Variants in ECEL1 observed in about 807,000 individuals in gnomAD.
The protein encoded by ECEL1 is endothelin-converting enzyme-like 1.
A neutral mutation model predicts 101.8 loss-of-function variants in ECEL1; 87 were observed. That is an observed-to-expected ratio of 0.85 (90% CI 0.72 to 1.02). The LOEUF is 1.02. Among genes scored for constraint, ECEL1 ranks in the 50% least tolerant of loss-of-function variants. The pLI is 0.00. For synonymous variants in ECEL1, 487 were observed against 468.7 expected, an observed-to-expected ratio of 1.04 and a Z score of -0.50; for missense variants, 1,032 against 1,079.2, an observed-to-expected ratio of 0.96 and a Z score of 0.61.
chr2:232,481,099 C>T lies in ECEL1; in HGVS notation c.2047G>A (p.Ala683Thr), dbSNP rs1408343514. The change falls in exon 15 of 18, where the codon GCC (alanine) becomes ACC (threonine). Residue 683 changes from alanine to threonine, a missense_variant. Ala to Thr is a moderately conservative substitution (Grantham distance 58). Transcript: ENST00000304546. ...NIADMGGLKL[A>T]YHAYQKWVRE... is the part of the protein sequence containing the mutation. ...ACAGGCAGGCCGCTCACGTGGTAGG[C>T]CAGCTTGAGGCCGCCCATATCTGCG... The T allele has an allele frequency of 6.4e-7, 1 of 1,560,710 alleles. No homozygotes were observed. Among genetic ancestry groups the T allele is most frequent in the African/African-American group, 1.4e-5 (1 of 73,740 alleles).
Position 232,487,236 on chromosome 2 carries a change from C to T in ECEL1, c.-101-482G>A, listed in dbSNP as rs1485275606. On this transcript the variant is annotated intron_variant, in intron 1 of 17. Transcript: ENST00000304546. ...CGGCCAAAGAACCAAACTTTGTCCT[C>T]GCGGAAGTCCGCGGGATCGACCACG... Among the ~76,000 whole-genome samples, 2 of 152,210 alleles carry T rather than the reference C, an allele frequency of 1.3e-5. 1 individual carries two copies. The highest frequency in any genetic ancestry group is 2.9e-5 in the Non-Finnish European group (2 of 68,036).
chr2:232,480,510 G>A (rs781725170), intron 16 of ECEL1, 35 bp from the exon 17 acceptor site: 5 of 1,612,010 alleles, frequency 3.1e-6, no homozygotes, highest in Middle Eastern at 1.7e-4. Context: ...GGAGGAGGGG[G>A]AGATGAAGCC....
chr2:232,482,728 C>G, intron 10 of ECEL1, 120 bp from the exon 11 acceptor site: 9 of 1,507,570 alleles, frequency 6.0e-6, no homozygotes, highest in Non-Finnish European at 8.2e-6. Context: ...GGCCCCCACC[C>G]CATGCCCTGT....
Position 232,480,342 on chromosome 2 carries a change from C to T in ECEL1, c.2228+57G>A. 8.7e-6 allele frequency: 14 copies of T among 1,612,388 alleles called. No homozygotes were observed. In the South Asian group the frequency reaches 1.4e-4, roughly 16 times the overall value. On this transcript the variant is annotated intron_variant, in intron 17 of 17. Coordinates refer to ENST00000304546, the MANE Select transcript of ECEL1 (RefSeq NM_004826.4). The stretch of plus-strand genomic sequence containing the variant: ...GTGACTTTTATTCCTTCCCATGCCC[C>T]CTGATCCCACCCCAAACACAAGGAG...
chr2:232,481,904 T>G (rs1377594229), intron 12 of ECEL1, 55 bp from the exon 13 acceptor site: 1 of 1,607,906 alleles, frequency 6.2e-7, no homozygotes, highest in African/African-American at 1.3e-5. Context: ...GAGAGCCCCA[T>G]GCTGCTGCCC....
Position 232,480,069 on chromosome 2 carries a change from G to A in ECEL1, c.*84C>T, listed in dbSNP as rs1690534721. The A allele has an allele frequency of 5.1e-6, 7 of 1,377,850 alleles. No homozygotes were observed. Among genetic ancestry groups the A allele is most frequent in the Middle Eastern group, 2.3e-4 (1 of 4,418 alleles). The allele number at this position is 1,377,850 out of a possible 1,614,324, so 85.4% of individuals were successfully genotyped here. A position where few individuals can be genotyped will look rare whatever the true frequency, so the allele number is the denominator to read the frequency against. ...GGCAGGTGGTGCCCAGAGCGGGGCTGGCACCGGGTGCATGCCTGCCCCGGT... is the reference window on the plus strand; with the variant it reads ...GGCAGGTGGTGCCCAGAGCGGGGCTAGCACCGGGTGCATGCCTGCCCCGGT... On this transcript the variant is annotated 3_prime_UTR_variant, in exon 18 of 18. Coordinates refer to ENST00000304546, the MANE Select transcript of ECEL1 (RefSeq NM_004826.4).
intron 1 of ECEL1, among the ~76,000 whole-genome samples, chr2:232,487,475 C>T (rs1489884964): frequency 6.6e-6 from 1 of 152,158 alleles, no homozygotes; most frequent in Non-Finnish European, 1.5e-5. Flanking sequence ...TCCCCAGAAC[C>T]CAAACTTGGG....
rs948115621 is a variant in ECEL1, at chr2:232,483,918, C to T, written c.1407+83G>A. The stretch of plus-strand genomic sequence containing the variant: ...CCCTGCCTGCAGGGGACATGTGGGG[C>T]TCCCCATATTAGGACCATGGCCTCG... On this transcript the variant is annotated intron_variant, in intron 7 of 17. Coordinates refer to ENST00000304546, the MANE Select transcript of ECEL1 (RefSeq NM_004826.4). The T allele has an allele frequency of 4.2e-6, 6 of 1,430,116 alleles. No homozygotes were observed. In the African/African-American group the frequency reaches 7.1e-5, roughly 17 times the overall value. 88.6% of individuals were successfully genotyped at this position (1,430,116 alleles called of 1,614,324 possible).
Position 232,480,037 on chromosome 2 carries a change from G to A in ECEL1, c.*116C>T, listed in dbSNP as rs2106181256. 1.0e-6 allele frequency: 1 copy of A among 991,750 alleles called. No homozygotes were observed. Among genetic ancestry groups the A allele is most frequent in the East Asian group, 2.5e-5 (1 of 40,616 alleles). The allele number at this position is 991,750 out of a possible 1,614,324, so 61.4% of individuals were successfully genotyped here. A position where few individuals can be genotyped will look rare whatever the true frequency, so the allele number is the denominator to read the frequency against. On this transcript the variant is annotated 3_prime_UTR_variant, in exon 18 of 18. Coordinates refer to ENST00000304546, the MANE Select transcript of ECEL1 (RefSeq NM_004826.4). ...AGCAGGGGGACCGGGTCCTGGAGGG[G>A]CTGGAAGGCAGGTGGTGCCCAGAGC...
rs1690720365 is a variant in ECEL1 at position 232,486,164 on chromosome 2, G to C, written c.490C>G (p.Leu164Val). The change falls in exon 2 of 18, where the codon CTG becomes GTG. Residue 164 changes from leucine (L) to valine (V), a missense_variant. Transcript: ENST00000304546. ...GGCCCACCCCCGGGCCGCGCCAGCA[G>C]GCGCCGTAGGCGCTCCTCGTTTTGC... ...GEQNEERLRR[L>V]LARPGGGPGG... is the part of the protein sequence containing the mutation. 6.3e-7 allele frequency: 1 copy of C among 1,577,172 alleles called. No individual in the cohort carries two copies.
intron 15 of ECEL1, 124 bp downstream of exon 15, chr2:232,480,967 C>T: frequency 7.1e-7 from 1 of 1,404,640 alleles, no homozygotes; most frequent in South Asian, 1.3e-5. Flanking sequence ...AGCACATGCC[C>T]TGCCCCACCC....
At chr2:232,485,558 G>A (rs1690698492) in intron 2 of ECEL1, among the ~76,000 whole-genome samples, 1 of 152,216 alleles carries the variant, frequency 6.6e-6, no homozygotes, top group South Asian at 2.1e-4. Context: ...TTTGGGGCCA[G>A]CTCCAGACCT....
intron 16 of ECEL1, 64 bp downstream of exon 16, chr2:232,480,654 G>A: frequency 6.3e-7 from 1 of 1,578,164 alleles, no homozygotes; most frequent in Non-Finnish European, 8.7e-7. Context: ...GGCAGGACTG[G>A]GACTGACCCT....
Position 232,484,235 on chromosome 2 carries a change from G to C in ECEL1, c.1185-12C>G, listed in dbSNP as rs1041243470. The C allele has an allele frequency of 1.2e-6, 2 of 1,605,446 alleles. No individual in the cohort carries two copies. The highest frequency in any genetic ancestry group is 2.7e-5 in the African/African-American group (2 of 74,906). On this transcript the variant is annotated splice_polypyrimidine_tract_variant and intron_variant, in intron 6 of 17. Transcript: ENST00000304546. The stretch of plus-strand genomic sequence containing the variant: ...AGTTGTGCAGGACCCTGGGGACCAG[G>C]TGAAGCCAGTGGGTGTCCAGACGGA...
At position 232,481,929 on chromosome 2, in the gene ECEL1, C is replaced by T. The variant is rs1051806277; in HGVS notation, c.1797-80G>A. On this transcript the variant is annotated intron_variant, in intron 12 of 17. Coordinates refer to ENST00000304546, the MANE Select transcript of ECEL1 (RefSeq NM_004826.4). ...TGCTGCTGCCCAGGCCCCAGATGTCCCCTGGCCGGGCCAGGAGGTGGCACA... is the reference window on the plus strand; with the variant it reads ...TGCTGCTGCCCAGGCCCCAGATGTCTCCTGGCCGGGCCAGGAGGTGGCACA... 20 of 1,587,270 alleles carry T rather than the reference C, an allele frequency of 1.3e-5. No individual in the cohort carries two copies. The African/African-American group carries it at 2.3e-4, about 18-fold the overall frequency.
intron 9 of ECEL1, 27 bp downstream of exon 9, chr2:232,483,078 G>T: frequency 6.2e-7 from 1 of 1,610,750 alleles, no homozygotes; most frequent in Non-Finnish European, 8.5e-7. Flanking sequence ...GCTGTGGACA[G>T]GCTGGGCAGG....
Position 232,484,831 on chromosome 2 carries a change from C to G in ECEL1, c.1029G>C (p.Thr343=), listed in dbSNP as rs144709114. Residue 343 remains threonine, a synonymous_variant, in exon 5 of 18, where the codon ACG becomes ACC. Coordinates refer to ENST00000304546, the MANE Select transcript of ECEL1 (RefSeq NM_004826.4). ...RDVSSMYNKV[T]LGQLQKITPH... ...GGGTGATCTTCTGCAGCTGCCCCAG[C>G]GTCACCTTGTTGTACATGGAGCTGA... 7 of 1,614,030 alleles carry G rather than the reference C, an allele frequency of 4.3e-6. No individual in the cohort carries two copies. Among genetic ancestry groups the G allele is most frequent in the Admixed American group, 1.7e-5 (1 of 60,028 alleles).
chr2:232,481,671 G>GCCC, intron 13 of ECEL1, 41 bp from the exon 14 acceptor site: 1 of 1,602,222 alleles, frequency 6.2e-7, no homozygotes, highest in Non-Finnish European at 8.5e-7. Flanking sequence ...CCTCACCTGA[G>GCCC]CCCCCTCCCC....
Position 232,486,257 on chromosome 2 carries a change from C to T in ECEL1, c.397G>A (p.Gly133Ser), listed in dbSNP as rs1367190030. The change falls in exon 2 of 18, where the codon GGT (glycine) becomes AGT (serine). Residue 133 changes from glycine to serine, a missense_variant. Coordinates refer to ENST00000304546, the MANE Select transcript of ECEL1 (RefSeq NM_004826.4). ...CQDFYSFACG[G>S]WLRRHAIPDD... The stretch of plus-strand genomic sequence containing the variant: ...GGGATGGCGTGGCGCCGCAGCCAAC[C>T]GCCGCAGGCGAACGAGTAGAAGTCC... 1 of 1,601,328 alleles carries T rather than the reference C, an allele frequency of 6.2e-7. No homozygotes were observed. The highest frequency in any genetic ancestry group is 1.1e-5 in the South Asian group (1 of 90,658).
Sources: allele counts gnomAD v4.1 joint callset (sites outside exome capture counted in the v4.1 genomes callset), GRCh38; gene constraint gnomAD v4.1.1; transcripts MANE v1.5; gene names NCBI Gene and HGNC (gene_info 2026-07-23, HGNC 2026-07-21).